The following GRIK2 variants were observed in gnomAD, a reference collection of about 807,000 sequenced individuals.
The protein encoded by GRIK2 is glutamate ionotropic receptor kainate type subunit 2, also known as glutamate receptor ionotropic, kainate 2.
GRIK2 carries 32 observed loss-of-function variants against 100.3 expected under a neutral mutation model. That is an observed-to-expected ratio of 0.32 (90% CI 0.24 to 0.43). GRIK2 has a LOEUF of 0.43. Ranked by LOEUF, GRIK2 falls within the 20% of genes least tolerant of loss-of-function variation. The pLI is 1.00. For missense variants in GRIK2, 843 were observed against 1,114.9 expected (o/e 0.76, Z 3.47); for synonymous variants, 417 against 389.4 (o/e 1.07, Z -0.83).
chr6:101,950,014 G>A (rs1791515274), intron 14 of GRIK2, among the ~76,000 whole-genome samples: 1 of 152,072 alleles, frequency 6.6e-6, no homozygotes, highest in Non-Finnish European at 1.5e-5. Context: ...ATGAGAAAAT[G>A]AGAAATGAGT....
intron 14 of GRIK2, among the ~76,000 whole-genome samples, chr6:102,031,300 C>A (rs562645718): frequency 2.0e-5 from 3 of 151,292 alleles, no homozygotes; most frequent in East Asian, 3.9e-4. Context: ...CAATCTGCTT[C>A]ATAATTGCCT....
chr6:101,398,195 T>C (rs1398973358), intron 1 of GRIK2, among the ~76,000 whole-genome samples: 1 of 152,168 alleles, frequency 6.6e-6, no homozygotes, highest in Admixed American at 6.5e-5. Context: ...AAAACCAAAA[T>C]ACGAAGAAAT....
chr6:101,950,290 A>G (rs1422961918), intron 14 of GRIK2, among the ~76,000 whole-genome samples: 3 of 151,938 alleles, frequency 2.0e-5, no homozygotes, highest in African/African-American at 7.3e-5. Context: ...TTTTGGACCA[A>G]TTTTTATAGC....
At chr6:101,682,032 A>G (rs189779151) in intron 5 of GRIK2, among the ~76,000 whole-genome samples, 5 of 152,336 alleles carry the variant, frequency 3.3e-5, no homozygotes, top group Middle Eastern at 3.4e-3. Context: ...AATAACAACA[A>G]AAACATTTCT....
At chr6:102,051,285 C>A (rs951237196) in intron 15 of GRIK2, among the ~76,000 whole-genome samples, 1 of 150,424 alleles carries the variant, frequency 6.6e-6, no homozygotes, top group South Asian at 2.1e-4. Context: ...TCCTTCCTTC[C>A]TTCCTTCCTT....
chr6:101,625,495 T>G (rs1780389408), intron 3 of GRIK2, among the ~76,000 whole-genome samples: 3 of 152,008 alleles, frequency 2.0e-5, no homozygotes, highest in Admixed American at 6.6e-5. Context: ...GAAACAAACT[T>G]AAGCTTCTTT....
chr6:101,773,002 CCAAAT>C (rs1403153147), intron 7 of GRIK2, among the ~76,000 whole-genome samples: 1 of 151,812 alleles, frequency 6.6e-6, no homozygotes, highest in African/African-American at 2.4e-5. Context: ...TGTTGAATGA[CCAAAT>C]CAAACTGTAA....
chr6:101,426,578 C>A (rs528761081), intron 2 of GRIK2, among the ~76,000 whole-genome samples: 29 of 152,132 alleles, frequency 1.9e-4, no homozygotes, highest in Admixed American at 7.9e-4. Flanking sequence ...TGTATCAATA[C>A]AAAAATATTA....
chr6:101,857,392 T>C (rs1323189144), intron 10 of GRIK2, among the ~76,000 whole-genome samples: 2 of 152,192 alleles, frequency 1.3e-5, no homozygotes, highest in Non-Finnish European at 2.9e-5. Context: ...GAGGTGAGGC[T>C]GCAGGGTGCA....
At chr6:101,561,895 A>G (rs928399914) in intron 2 of GRIK2, among the ~76,000 whole-genome samples, 1 of 152,188 alleles carries the variant, frequency 6.6e-6, no homozygotes, top group African/African-American at 2.4e-5. Context: ...CAGTGGGTAG[A>G]TAGATATTAA....
chr6:101,449,716 A>T (rs1400645000), intron 2 of GRIK2, among the ~76,000 whole-genome samples: 2 of 113,630 alleles, frequency 1.8e-5, no homozygotes, highest in South Asian at 3.0e-4. Context: ...GTATTCTTTG[A>T]CACTGTATTT....
chr6:101,473,575 G>A (rs1414226821), intron 2 of GRIK2, among the ~76,000 whole-genome samples: 2 of 151,776 alleles, frequency 1.3e-5, no homozygotes, highest in Non-Finnish European at 3.0e-5. Context: ...ATTTTAAATT[G>A]AACTAACTAT....
At chr6:101,941,292 A>C (rs1790936511) in intron 14 of GRIK2, among the ~76,000 whole-genome samples, 1 of 152,096 alleles carries the variant, frequency 6.6e-6, no homozygotes, top group South Asian at 2.1e-4. Flanking sequence ...GAAAATGTAG[A>C]AACTGGTACT....
intron 2 of GRIK2, among the ~76,000 whole-genome samples, chr6:101,547,129 C>T (rs1317413618): frequency 6.6e-6 from 1 of 152,090 alleles, no homozygotes; most frequent in Admixed American, 6.5e-5. Flanking sequence ...CCGCGCCCGG[C>T]CGTTTTTGTT....
At chr6:101,906,867 A>G (rs1788267405) in intron 12 of GRIK2, among the ~76,000 whole-genome samples, 1 of 151,802 alleles carries the variant, frequency 6.6e-6, no homozygotes, top group South Asian at 2.1e-4. Flanking sequence ...ACAGCAAAGA[A>G]CAACAAATTG....
chr6:101,817,196 ACAT>A (rs1405867769), intron 9 of GRIK2, among the ~76,000 whole-genome samples: 1 of 152,200 alleles, frequency 6.6e-6, no homozygotes, highest in African/African-American at 2.4e-5. Flanking sequence ...CCTAACACCA[ACAT>A]CAGGAATATA....
intron 13 of GRIK2, chr6:101,927,968 T>C (rs1037671795): frequency 6.2e-6 from 1 of 161,574 alleles, no homozygotes; most frequent in African/African-American, 2.4e-5. Context: ...TTGAGCTACA[T>C]GCACATGAAA....
chr6:101,712,373 G>C (rs1773779165), intron 7 of GRIK2, among the ~76,000 whole-genome samples: 1 of 151,762 alleles, frequency 6.6e-6, no homozygotes, highest in Non-Finnish European at 1.5e-5. Flanking sequence ...TGGAATTGGA[G>C]AAGCACGATT....
chr6:101,538,140 A>G (rs1474221139), intron 2 of GRIK2, among the ~76,000 whole-genome samples: 1 of 151,798 alleles, frequency 6.6e-6, no homozygotes, highest in Non-Finnish European at 1.5e-5. Context: ...ACTGTAAAGT[A>G]CACCAGTGGC....
Sources: gnomAD v4.1 joint callset for allele counts (sites outside exome capture counted in the v4.1 genomes callset) on GRCh38, gnomAD v4.1.1 for gene constraint, MANE v1.5 for transcripts, NCBI Gene and HGNC (gene_info 2026-07-23, HGNC 2026-07-21) for gene names.